DOCK3: variants seen among roughly 807,000 people sequenced by gnomAD.
The protein encoded by DOCK3 is dedicator of cytokinesis protein 3.
A neutral mutation model predicts 265.6 loss-of-function variants in DOCK3; 60 were observed. The ratio of observed to expected loss-of-function variants is 0.23; its 90% CI spans 0.18 to 0.28. The LOEUF (loss-of-function observed/expected upper bound fraction) is 0.28. Among genes scored for constraint, DOCK3 ranks in the 10% least tolerant of loss-of-function variants. The pLI, the probability that DOCK3 is intolerant of heterozygous loss-of-function variation, is 1.00. For missense variants in DOCK3, 1,981 were observed against 2,594.3 expected (o/e 0.76, Z 5.14); for synonymous variants, 881 against 938.0 (o/e 0.94, Z 1.11).
intron 2 of DOCK3, chr3:50,787,341 GC>G: frequency 2.4e-6 from 1 of 408,774 alleles, no homozygotes; most frequent in South Asian, 2.4e-5. Context: ...TTCGAGACCA[GC>G]CTGATCAACA....
chr3:50,856,298 C>T (rs939088516), intron 3 of DOCK3, among the ~76,000 whole-genome samples: 2 of 152,228 alleles, frequency 1.3e-5, no homozygotes, highest in Non-Finnish European at 2.9e-5. Context: ...TACACTCCCA[C>T]TAACAGTGTA....
chr3:50,889,443 A>T (rs1161358919), intron 3 of DOCK3, among the ~76,000 whole-genome samples: 1 of 151,528 alleles, frequency 6.6e-6, no homozygotes, highest in African/African-American at 2.4e-5. Flanking sequence ...CGAAACATTG[A>T]TTGGAAAACT....
intron 9 of DOCK3, among the ~76,000 whole-genome samples, chr3:51,105,954 G>A (rs1363065172): frequency 1.3e-5 from 2 of 152,208 alleles, no homozygotes; most frequent in Admixed American, 1.3e-4. Flanking sequence ...TCCTGGCAGG[G>A]AGAGATCCCT....
chr3:51,159,957 A>G (rs2086051870), intron 11 of DOCK3, among the ~76,000 whole-genome samples: 1 of 152,224 alleles, frequency 6.6e-6, no homozygotes. Context: ...TCCCTTGCCA[A>G]CAAAACAGCT....
At chr3:51,371,286 G>T (rs531372119) in intron 49 of DOCK3, among the ~76,000 whole-genome samples, 1 of 152,162 alleles carries the variant, frequency 6.6e-6, no homozygotes, top group Non-Finnish European at 1.5e-5. Flanking sequence ...TTCCCTTTTG[G>T]GGGTAAACAT....
At chr3:51,279,119 G>A (rs960082907) in intron 26 of DOCK3, among the ~76,000 whole-genome samples, 5 of 152,084 alleles carry the variant, frequency 3.3e-5, no homozygotes, top group Admixed American at 3.3e-4. Context: ...GGGCATGGTG[G>A]TGGGCGCCTG....
At chr3:50,944,439 A>G (rs2076375980) in intron 5 of DOCK3, among the ~76,000 whole-genome samples, 1 of 152,214 alleles carries the variant, frequency 6.6e-6, no homozygotes, top group South Asian at 2.1e-4. Flanking sequence ...GTCATATTTT[A>G]AATAGTTATT....
chr3:51,061,262 C>T (rs1338405602), intron 5 of DOCK3, among the ~76,000 whole-genome samples: 6 of 152,140 alleles, frequency 3.9e-5, no homozygotes, highest in South Asian at 2.1e-4. Flanking sequence ...CACATACACA[C>T]GTGTGTTTAT....
At chr3:51,015,227 T>G (rs1041754485) in intron 5 of DOCK3, among the ~76,000 whole-genome samples, 10 of 152,100 alleles carry the variant, frequency 6.6e-5, no homozygotes, top group African/African-American at 2.4e-4. Context: ...GAGAAAAGGC[T>G]TTCAGATTTT....
At chr3:51,270,319 G>C (rs1169132338) in intron 23 of DOCK3, among the ~76,000 whole-genome samples, 3 of 152,166 alleles carry the variant, frequency 2.0e-5, no homozygotes, top group Admixed American at 1.3e-4. Context: ...CTCTATTCTG[G>C]GGAAATGGTA....
At chr3:51,244,369 A>C (rs1033611760) in intron 21 of DOCK3, among the ~76,000 whole-genome samples, 2 of 152,052 alleles carry the variant, frequency 1.3e-5, no homozygotes, top group South Asian at 4.1e-4. Context: ...GCTATCTTTT[A>C]TTTCTTTAAG....
chr3:51,105,507 AC>A (rs1466825195), intron 9 of DOCK3, among the ~76,000 whole-genome samples: 1 of 152,252 alleles, frequency 6.6e-6, no homozygotes, highest in African/African-American at 2.4e-5. Context: ...GAAACAAATC[AC>A]ATATCAACAG....
At chr3:51,117,666 A>G (rs1346027583) in intron 9 of DOCK3, among the ~76,000 whole-genome samples, 2 of 151,946 alleles carry the variant, frequency 1.3e-5, no homozygotes, top group African/African-American at 2.4e-5. Context: ...TCAGGGATTC[A>G]CCTTCTTCCT....
At chr3:51,163,294 G>A (rs1217139587) in intron 12 of DOCK3, among the ~76,000 whole-genome samples, 1 of 151,842 alleles carries the variant, frequency 6.6e-6, no homozygotes, top group African/African-American at 2.4e-5. Context: ...GTCAGCCTTA[G>A]CCAGAGAAGG....
chr3:51,328,104 T>C (rs573603897), intron 32 of DOCK3, among the ~76,000 whole-genome samples: 1 of 152,194 alleles, frequency 6.6e-6, no homozygotes, highest in Non-Finnish European at 1.5e-5. Flanking sequence ...TCCAACAAAC[T>C]AGAGGAGGCC....
chr3:50,690,136 T>A (rs1234757478), intron 1 of DOCK3, among the ~76,000 whole-genome samples: 1 of 114,520 alleles, frequency 8.7e-6, no homozygotes, highest in African/African-American at 2.9e-5. Context: ...TATTTTTACC[T>A]TTTTTTTTTT....
At chr3:51,349,600 T>C (rs1456505016) in intron 39 of DOCK3, among the ~76,000 whole-genome samples, 1 of 152,226 alleles carries the variant, frequency 6.6e-6, no homozygotes, top group Non-Finnish European at 1.5e-5. Flanking sequence ...GCTGGCTTGA[T>C]TGAATGCATT....
At chr3:50,898,153 A>C (rs1407966580) in intron 4 of DOCK3, among the ~76,000 whole-genome samples, 11 of 145,326 alleles carry the variant, frequency 7.6e-5, no homozygotes, top group Admixed American at 6.3e-4. Context: ...TCTCCATTTC[A>C]GAACTTGTTA....
At chr3:51,298,762 A>G (rs1450608269) in intron 27 of DOCK3, among the ~76,000 whole-genome samples, 2 of 152,304 alleles carry the variant, frequency 1.3e-5, no homozygotes, top group East Asian at 1.9e-4. Flanking sequence ...TTATGGCTGC[A>G]TAGTATTCCA....
Sources: gnomAD v4.1 joint callset for allele counts (sites outside exome capture counted in the v4.1 genomes callset) on GRCh38, gnomAD v4.1.1 for gene constraint, MANE v1.5 for transcripts, NCBI Gene and HGNC (gene_info 2026-07-23, HGNC 2026-07-21) for gene names.